Variants in DAGLA observed in about 807,000 individuals in gnomAD.
DAGLA encodes the protein diacylglycerol lipase-alpha.
In DAGLA, 22 loss-of-function variants were observed where a neutral mutation model predicts 102.6. That is an observed-to-expected ratio of 0.21 (90% CI 0.15 to 0.31). DAGLA has a LOEUF of 0.31. Among genes scored for constraint, DAGLA ranks in the 10% least tolerant of loss-of-function variants. The pLI, the probability that DAGLA is intolerant of heterozygous loss-of-function variation, is 1.00. For missense variants in DAGLA, 927 were observed against 1,446.6 expected (o/e 0.64, Z 5.83); for synonymous variants, 578 against 628.9 (o/e 0.92, Z 1.21).
chr11:61,710,780 T>G (rs1021931743), intron 1 of DAGLA, among the ~76,000 whole-genome samples: 1 of 152,152 alleles, frequency 6.6e-6, no homozygotes, highest in Admixed American at 6.5e-5. Flanking sequence ...CTGCGCACAC[T>G]GGGGAGACAT....
intron 1 of DAGLA, among the ~76,000 whole-genome samples, chr11:61,681,360 C>T (rs2064940859): frequency 6.6e-6 from 1 of 152,134 alleles, no homozygotes; most frequent in Admixed American, 6.5e-5. Flanking sequence ...TACCGTTGTC[C>T]TGGGCTAAGG....
chr11:61,718,427 G>A (rs1196814992), intron 1 of DAGLA, among the ~76,000 whole-genome samples: 1 of 152,138 alleles, frequency 6.6e-6, no homozygotes, highest in Non-Finnish European at 1.5e-5. Context: ...GGGAGGGGGC[G>A]GCAATACCAG....
At chr11:61,729,766 G>A (rs116285665) in intron 8 of DAGLA, among the ~76,000 whole-genome samples, 3,271 of 152,216 alleles carry the variant, frequency 0.021, 113 homozygotes, top group African/African-American at 0.074. Flanking sequence ...AAAGGATTCC[G>A]TCTCTTAGAA....
intron 1 of DAGLA, among the ~76,000 whole-genome samples, chr11:61,701,974 G>T (rs530431024): frequency 3.3e-5 from 5 of 151,868 alleles, no homozygotes; most frequent in Non-Finnish European, 7.4e-5. Flanking sequence ...CAGGTTCCCC[G>T]TATGTTGCCC....
intron 1 of DAGLA, among the ~76,000 whole-genome samples, chr11:61,689,670 A>G (rs1038641514): frequency 9.3e-6 from 1 of 106,966 alleles, no homozygotes; most frequent in African/African-American, 3.0e-5. Flanking sequence ...ACGCCCGGCT[A>G]ATTTTTTGTA....
chr11:61,731,258 C>T (rs1404312817), intron 8 of DAGLA, 59 bp from the exon 9 acceptor site: 1 of 1,602,156 alleles, frequency 6.2e-7, no homozygotes, highest in Non-Finnish European at 8.5e-7. Flanking sequence ...AACTGCTGGG[C>T]CCTGAGGCTG....
Position 61,743,893 on chromosome 11 carries a change from A to G in DAGLA, c.2533A>G (p.Ser845Gly). Residue 845 changes from serine to glycine, a missense_variant, in exon 20 of 20, where the codon AGC (serine) becomes GGC (glycine). Transcript: ENST00000257215. Reference sequence around the variant, plus strand: ...GCGCACTGAGCTGCTGGCGGCCGACAGCCTGTCCAAGCACTCACAGGACAC... The same window carrying G: ...GCGCACTGAGCTGCTGGCGGCCGACGGCCTGTCCAAGCACTCACAGGACAC... ...SSRTELLAAD[S>G]LSKHSQDTQP... 5.0e-6 allele frequency: 8 copies of G among 1,612,408 alleles called. No individual in the cohort carries two copies. The highest frequency in any genetic ancestry group is 6.8e-6 in the Non-Finnish European group (8 of 1,179,878).
At chr11:61,694,198 T>A (rs946704546) in intron 1 of DAGLA, among the ~76,000 whole-genome samples, 1 of 152,220 alleles carries the variant, frequency 6.6e-6, no homozygotes, top group Non-Finnish European at 1.5e-5. Context: ...GCATCTGAGT[T>A]CCCTGGGCCT....
chr11:61,744,112 G>A lies in DAGLA; in HGVS notation c.2752G>A (p.Asp918Asn). The change falls in exon 20 of 20, where the codon GAC (aspartate) becomes AAC (asparagine). Residue 918 changes from aspartate to asparagine, a missense_variant. Physicochemically the swap from Asp to Asn is conservative, Grantham distance 23. This residue lies in a region of DAGLA where 434 missense variants were observed against 503.3 expected (regional missense o/e 0.86). Coordinates refer to ENST00000257215, the MANE Select transcript of DAGLA (RefSeq NM_006133.3). ...PQVLEFAEFI[D>N]SLFNLDSKSS... ...GGTGCTGGAATTCGCCGAGTTCATC[G>A]ACAGCCTCTTCAACCTGGACAGCAA... 2 of 1,612,982 alleles carry A rather than the reference G, an allele frequency of 1.2e-6. No individual in the cohort carries two copies. Among genetic ancestry groups the A allele is most frequent in the African/African-American group, 1.3e-5 (1 of 75,048 alleles).
chr11:61,713,784 C>T (rs2065213126), intron 1 of DAGLA, among the ~76,000 whole-genome samples: 1 of 152,176 alleles, frequency 6.6e-6, no homozygotes, highest in African/African-American at 2.4e-5. Flanking sequence ...GGCCCAGCCT[C>T]ACTGTGCTGA....
chr11:61,738,032 G>C (rs563385693), intron 15 of DAGLA, 103 bp from the exon 16 acceptor site: 1 of 927,258 alleles, frequency 1.1e-6, no homozygotes, highest in Admixed American at 2.0e-5. Flanking sequence ...GTGTCTTCTT[G>C]TTCCAGGGGC....
intron 1 of DAGLA, among the ~76,000 whole-genome samples, chr11:61,682,108 G>A (rs1463219643): frequency 2.0e-5 from 3 of 152,136 alleles, no homozygotes; most frequent in Non-Finnish European, 4.4e-5. Flanking sequence ...CCCTATAACC[G>A]GAGCACTGTC....
At position 61,736,366 on chromosome 11, in the gene DAGLA, T is replaced by G; in HGVS notation, c.1371+16T>G. 6.2e-7 allele frequency: 1 copy of G among 1,610,614 alleles called. No homozygotes were observed. The highest frequency in any genetic ancestry group is 8.5e-7 in the Non-Finnish European group (1 of 1,176,828). ...GCGAGACCTGGTGAGGAATTTTCCA[T>G]GGCACCAAGCCTTTTCACACCTGGG... On this transcript the variant is annotated intron_variant, in intron 13 of 19. Transcript: ENST00000257215.
intron 1 of DAGLA, among the ~76,000 whole-genome samples, chr11:61,692,454 G>A (rs1267393681): frequency 1.3e-5 from 2 of 152,122 alleles, no homozygotes; most frequent in East Asian, 3.9e-4. Context: ...AGGTTCCTGA[G>A]CCCTGCCTTG....
At chr11:61,741,923 A>T (rs1239196449) in intron 19 of DAGLA, among the ~76,000 whole-genome samples, 1 of 151,684 alleles carries the variant, frequency 6.6e-6, no homozygotes, top group Non-Finnish European at 1.5e-5. Context: ...GCACAGATTC[A>T]CTCTTACACA....
intron 1 of DAGLA, among the ~76,000 whole-genome samples, chr11:61,690,960 G>A (rs1445672470): frequency 1.3e-5 from 2 of 152,214 alleles, no homozygotes; most frequent in African/African-American, 4.8e-5. Flanking sequence ...GCCGGCCGTG[G>A]CAGGCGGCTT....
At position 61,744,022 on chromosome 11, in the gene DAGLA, G is replaced by A. The variant is rs374058514; in HGVS notation, c.2662G>A (p.Gly888Arg). Residue 888 changes from glycine (G) to arginine (R), a missense_variant, in exon 20 of 20, where the codon GGG (glycine) becomes AGG (arginine). Transcript: ENST00000257215. ...EEEEVGGGGG[G>R]PASRGELALH... is the part of the protein sequence containing the mutation. ...GGAAGAGGTTGGCGGTGGGGGTGGCGGGCCGGCCTCCCGCGGGGAGCTGGC... is the reference window on the plus strand; with the variant it reads ...GGAAGAGGTTGGCGGTGGGGGTGGCAGGCCGGCCTCCCGCGGGGAGCTGGC... 2.2e-5 allele frequency: 36 copies of A among 1,611,952 alleles called. No homozygotes were observed. The highest frequency in any genetic ancestry group is 2.7e-5 in the Non-Finnish European group (32 of 1,179,704).
At chr11:61,683,046 A>G (rs2064957747) in intron 1 of DAGLA, among the ~76,000 whole-genome samples, 1 of 152,210 alleles carries the variant, frequency 6.6e-6, no homozygotes, top group Non-Finnish European at 1.5e-5. Flanking sequence ...CTAATTCCCG[A>G]CAACAAGCTG....
At chr11:61,710,235 G>C (rs2065182919) in intron 1 of DAGLA, among the ~76,000 whole-genome samples, 2 of 151,996 alleles carry the variant, frequency 1.3e-5, no homozygotes, top group African/African-American at 2.4e-5. Flanking sequence ...GCCTGGCAGG[G>C]GGGCCATCTG....
Sources: allele counts gnomAD v4.1 joint callset (sites outside exome capture counted in the v4.1 genomes callset), GRCh38; gene constraint gnomAD v4.1.1; regional missense constraint gnomAD v4.1.1; transcripts MANE v1.5; gene names NCBI Gene and HGNC (gene_info 2026-07-23, HGNC 2026-07-21).